GSE1: variants seen among roughly 807,000 people sequenced by gnomAD.
The protein encoded by GSE1 is Gse1 coiled-coil protein, also known as genetic suppressor element 1.
In GSE1, 32 loss-of-function variants were observed where a neutral mutation model predicts 112.6. The ratio of observed to expected loss-of-function variants is 0.28; its 90% CI spans 0.21 to 0.38. The LOEUF is 0.38. GSE1 is among the 10% of genes least tolerant of loss of function. The pLI, the probability that GSE1 is intolerant of heterozygous loss-of-function variation, is 1.00. For missense variants in GSE1, 2,348 were observed against 1,699.2 expected (o/e 1.38, Z -6.71); for synonymous variants, 1,115 against 735.6 (o/e 1.52, Z -8.35).
intron 1 of GSE1, among the ~76,000 whole-genome samples, chr16:85,303,698 C>A (rs972615471): frequency 6.6e-5 from 10 of 152,242 alleles, no homozygotes; most frequent in Admixed American, 3.9e-4. Flanking sequence ...AGGAGCCGGG[C>A]GCTGGGGCCA....
At chr16:85,411,114 C>A (rs74783189) in intron 2 of GSE1, among the ~76,000 whole-genome samples, 1 of 126,414 alleles carries the variant, frequency 7.9e-6, no homozygotes, top group African/African-American at 3.8e-5. Flanking sequence ...CACTCAGGCC[C>A]CCCGGATAAT....
At chr16:85,666,603 G>C (rs912966059) in intron 13 of GSE1, 3 of 527,478 alleles carry the variant, frequency 5.7e-6, no homozygotes, top group Admixed American at 6.8e-5. Flanking sequence ...GGGACGCATC[G>C]ATCGGTAAGA....
At chr16:85,198,379 C>T (rs1249945226) in intron 1 of GSE1, among the ~76,000 whole-genome samples, 1 of 152,194 alleles carries the variant, frequency 6.6e-6, no homozygotes, top group Non-Finnish European at 1.5e-5. Flanking sequence ...TTTCTAGGCC[C>T]CAGCTGTGGG....
chr16:85,649,766 C>T (rs1157671213), intron 3 of GSE1, among the ~76,000 whole-genome samples: 1 of 152,182 alleles, frequency 6.6e-6, no homozygotes, highest in African/African-American at 2.4e-5. Flanking sequence ...CTAATTAAAC[C>T]ACAAAGAAGG....
At chr16:85,351,186 T>C (rs2046843907) in intron 1 of GSE1, among the ~76,000 whole-genome samples, 1 of 152,156 alleles carries the variant, frequency 6.6e-6, no homozygotes, top group Non-Finnish European at 1.5e-5. Flanking sequence ...GGAATCTGGC[T>C]GGATGCCCAG....
At chr16:85,554,037 A>T (rs1236570919), upstream of GSE1, among the ~76,000 whole-genome samples, 1 of 151,824 alleles carries the variant, frequency 6.6e-6, no homozygotes, top group Non-Finnish European at 1.5e-5. Context: ...TCAAAAGGTG[A>T]CCCCTTAGTG....
intron 2 of GSE1, among the ~76,000 whole-genome samples, chr16:85,518,586 G>C (rs1424079511): frequency 1.3e-5 from 2 of 152,154 alleles, no homozygotes; most frequent in African/African-American, 4.8e-5. Flanking sequence ...TGCTCTCTCT[G>C]AGATTCAGTT....
intron 1 of GSE1, among the ~76,000 whole-genome samples, chr16:85,604,763 A>ATTATATATATATATATAT (rs2047614320): frequency 1.7e-4 from 1 of 5,978 alleles, no homozygotes; most frequent in African/African-American, 7.8e-4. Flanking sequence ...AAAAAAAAAA[A>ATTATATATATATATATAT]AAAAAAAAAA....
At chr16:85,426,090 A>G (rs55795008) in intron 2 of GSE1, among the ~76,000 whole-genome samples, 2 of 22,486 alleles carry the variant, frequency 8.9e-5, no homozygotes, top group African/African-American at 1.4e-4. Context: ...TGGATGGGTG[A>G]ATGAGAGGGA....
At chr16:85,209,879 G>C (rs1330821783) in intron 1 of GSE1, among the ~76,000 whole-genome samples, 1 of 152,196 alleles carries the variant, frequency 6.6e-6, no homozygotes, top group Non-Finnish European at 1.5e-5. Context: ...GTGACCTAAA[G>C]CTGTTGGCCA....
At chr16:85,613,116 G>A (rs2048102852), upstream of GSE1, 1 of 1,075,282 alleles carries the variant, frequency 9.3e-7, no homozygotes, top group Non-Finnish European at 1.2e-6. Flanking sequence ...GCGCGCGCCT[G>A]TGTGTTTGCG....
At chr16:85,646,679 G>A (rs1271998470) in intron 2 of GSE1, among the ~76,000 whole-genome samples, 1 of 152,180 alleles carries the variant, frequency 6.6e-6, no homozygotes, top group Non-Finnish European at 1.5e-5. Context: ...AACCGTGTGA[G>A]CGGCACGAGG....
At chr16:85,630,404 G>A (rs1470564976) in intron 1 of GSE1, among the ~76,000 whole-genome samples, 1 of 152,190 alleles carries the variant, frequency 6.6e-6, no homozygotes, top group South Asian at 2.1e-4. Flanking sequence ...GAGTATAGCG[G>A]TGTGATCATA....
chr16:85,668,825 A>G (rs890663704), intron 14 of GSE1, among the ~76,000 whole-genome samples: 2 of 151,870 alleles, frequency 1.3e-5, no homozygotes, highest in African/African-American at 2.4e-5. Flanking sequence ...CTAGTGACAG[A>G]CTCCCCACAC....
At chr16:85,552,652 G>C (rs1286366884), upstream of GSE1, among the ~76,000 whole-genome samples, 4 of 152,232 alleles carry the variant, frequency 2.6e-5, no homozygotes, top group African/African-American at 9.6e-5. Context: ...CTCGATGGCT[G>C]TCTCCAAGTG....
chr16:85,506,044 G>A (rs759482108), intron 2 of GSE1, among the ~76,000 whole-genome samples: 9 of 152,020 alleles, frequency 5.9e-5, no homozygotes, highest in South Asian at 2.1e-4. Flanking sequence ...TGAATGGCGC[G>A]TTCCAAGAGG....
At chr16:85,330,940 T>C (rs1012341327) in intron 1 of GSE1, among the ~76,000 whole-genome samples, 5 of 152,038 alleles carry the variant, frequency 3.3e-5, no homozygotes, top group Non-Finnish European at 7.4e-5. Context: ...TGGGAGCTGT[T>C]AATGGCTCAC....
intron 2 of GSE1, among the ~76,000 whole-genome samples, chr16:85,408,193 C>G (rs1464669318): frequency 1.9e-4 from 5 of 26,908 alleles, no homozygotes; most frequent in African/African-American, 4.9e-4. Flanking sequence ...ACACTCAGGC[C>G]CCCCTGGATA....
intron 2 of GSE1, among the ~76,000 whole-genome samples, chr16:85,544,471 A>G (rs1048060782): frequency 6.6e-6 from 1 of 152,164 alleles, no homozygotes; most frequent in Non-Finnish European, 1.5e-5. Context: ...AGCAATAGGA[A>G]AGGAAGTGGC....
Sources: allele counts gnomAD v4.1 joint callset (sites outside exome capture counted in the v4.1 genomes callset), GRCh38; gene constraint gnomAD v4.1.1; transcripts MANE v1.5; gene names NCBI Gene and HGNC (gene_info 2026-07-23, HGNC 2026-07-21).